The following CILP variants were observed in gnomAD, a reference collection of about 807,000 sequenced individuals.
CILP encodes the protein cartilage intermediate layer protein 1.
In CILP, 75 loss-of-function variants were observed where a neutral mutation model predicts 82.5. That is an observed-to-expected ratio of 0.91 (90% CI 0.75 to 1.10). The LOEUF (loss-of-function observed/expected upper bound fraction) is 1.10, where lower values mean the gene tolerates loss of function less well. Among genes scored for constraint, CILP ranks in the 50% least tolerant of loss-of-function variants. The probability of loss-of-function intolerance (pLI) is 0.00; values close to 1 mark genes in which losing one functional copy is unlikely to be tolerated. For synonymous variants in CILP, 530 were observed against 580.3 expected, an observed-to-expected ratio of 0.91 and a Z score of 1.25; for missense variants, 1,479 against 1,530.8, an observed-to-expected ratio of 0.97 and a Z score of 0.56.
rs536742270 is a variant in CILP, at chr15:65,206,866, G to C, written c.340C>G (p.Arg114Gly). 6.2e-7 allele frequency: 1 copy of C among 1,614,046 alleles called. No individual in the cohort carries two copies. Among genetic ancestry groups the C allele is most frequent in the South Asian group, 1.1e-5 (1 of 91,086 alleles). Residue 114 changes from arginine (R) to glycine (G), a missense_variant, in exon 4 of 9, where the codon CGT (arginine) becomes GGT (glycine). Arg to Gly is a moderately radical substitution (Grantham distance 125). Coordinates refer to ENST00000261883, the MANE Select transcript of CILP (RefSeq NM_003613.4). ...CTGTTGAGGCACCAGAAACCCTCAC[G>C]GGGACTACCATGGACCACCTGGCCA... ...STGQVVHGSP[R>G]EGFWCLNREQ... is the part of the protein sequence containing the mutation.
Position 65,196,790 on chromosome 15 carries a change from C to T in CILP, c.3496G>A (p.Gly1166Ser), listed in dbSNP as rs938952. ...AATCTCAGAGAGGCCACCACTCCAC[C>T]CTGGCGCTGGCCACCCCTGCTCGCT... is the stretch of plus-strand genomic sequence containing the variant. The part of the protein sequence containing the change: ...QRASRGGQRQ[G>S]GVVASLRFPR... The change falls in exon 9 of 9, where the codon GGT becomes AGT. Residue 1166 changes from glycine to serine, a missense_variant. Transcript: ENST00000261883. The T allele has an allele frequency of 0.81, 1,284,022 of 1,594,238 alleles. 520,488 individuals carry two copies. Among genetic ancestry groups the T allele is most frequent in the East Asian group, 1 (44,562 of 44,632 alleles).
intron 8 of CILP, among the ~76,000 whole-genome samples, chr15:65,201,047 G>T (rs1221471199): frequency 1.3e-5 from 2 of 151,808 alleles, no homozygotes; most frequent in African/African-American, 2.4e-5. Context: ...TGTTTCCCAG[G>T]CTGGAGTGCA....
intron 1 of CILP, among the ~76,000 whole-genome samples, chr15:65,211,021 C>T (rs965880540): frequency 1.3e-5 from 2 of 152,240 alleles, no homozygotes; most frequent in Non-Finnish European, 2.9e-5. Context: ...TGTGGAAAAA[C>T]CATTTCCCAT....
At chr15:65,210,958 G>A (rs1269472016) in intron 1 of CILP, among the ~76,000 whole-genome samples, 1 of 152,218 alleles carries the variant, frequency 6.6e-6, no homozygotes, top group Non-Finnish European at 1.5e-5. Context: ...CATTCAGCCT[G>A]AGCCTGAGCC....
intron 2 of CILP, 95 bp from the exon 3 acceptor site, chr15:65,207,859 G>T: frequency 9.6e-7 from 1 of 1,036,748 alleles, no homozygotes; most frequent in Non-Finnish European, 1.5e-6. Flanking sequence ...GGTGAATGGA[G>T]CATGAGCACC....
rs558312745 is a variant in CILP, at chr15:65,198,773, T to C, written c.1513A>G (p.Met505Val). 6.8e-6 allele frequency: 11 copies of C among 1,614,150 alleles called. No individual in the cohort carries two copies. The Admixed American group carries it at 1.2e-4, about 17-fold the overall frequency. ...RVSAADNGEP[M>V]RFGHVYMGNS... is the part of the protein sequence containing the mutation. ...CCCATGTACACATGGCCAAAGCGCA[T>C]GGGCTCCCCATTGTCAGCAGCACTG... The change falls in exon 9 of 9, where the codon ATG becomes GTG. Residue 505 changes from methionine to valine, a missense_variant. Coordinates refer to ENST00000261883, the MANE Select transcript of CILP (RefSeq NM_003613.4).
chr15:65,208,685 G>C (rs1216511119), intron 2 of CILP, among the ~76,000 whole-genome samples: 1 of 152,238 alleles, frequency 6.6e-6, no homozygotes, highest in African/African-American at 2.4e-5. Flanking sequence ...ACCTGAGGCT[G>C]GGTTGGGGTC....
chr15:65,209,909 T>C (rs989925761), intron 1 of CILP, 48 bp from the exon 2 acceptor site: 2 of 627,918 alleles, frequency 3.2e-6, no homozygotes, highest in Non-Finnish European at 5.8e-6. Flanking sequence ...GAATCACCGC[T>C]TATGGCTCAA....
At chr15:65,202,634 G>A (rs1434872928) in intron 7 of CILP, among the ~76,000 whole-genome samples, 1 of 151,882 alleles carries the variant, frequency 6.6e-6, no homozygotes, top group Non-Finnish European at 1.5e-5. Flanking sequence ...CACCATGTTG[G>A]CCAGACTGGT....
At position 65,198,577 on chromosome 15, in the gene CILP, A is replaced by T. The variant is rs766316509; in HGVS notation, c.1709T>A (p.Met570Lys). The T allele has an allele frequency of 6.2e-7, 1 of 1,614,250 alleles. No homozygotes were observed. Among genetic ancestry groups the T allele is most frequent in the Admixed American group, 1.7e-5 (1 of 60,034 alleles). ...AGTGATGGGCTTTTTCCGACGAAGC[A>T]TCTTGATTTCATGGAACACGGCACT... is the stretch of plus-strand genomic sequence containing the variant. ...KGSAVFHEIK[M>K]LRRKKPITLE... The change falls in exon 9 of 9, where the codon ATG (methionine) becomes AAG (lysine). Residue 570 changes from methionine to lysine, a missense_variant. Transcript: ENST00000261883.
At position 65,206,933 on chromosome 15, in the gene CILP, C is replaced by T. The variant is rs572818055; in HGVS notation, c.273G>A (p.Arg91=). ...YGDRVCARPL[R]LEARTTDWTP... ...TCCAGTCAGTGGTCCGAGCCTCTAG[C>T]CGCAGGGGACGGGCACATACACGGT... Residue 91 remains arginine (R), a synonymous_variant, in exon 4 of 9, where the codon CGG becomes CGA. Coordinates refer to ENST00000261883, the MANE Select transcript of CILP (RefSeq NM_003613.4). 24 of 1,614,064 alleles carry T rather than the reference C, an allele frequency of 1.5e-5. No individual in the cohort carries two copies. In the East Asian group the frequency reaches 5.1e-4, roughly 34 times the overall value.
Position 65,210,000 on chromosome 15 carries a change from C to T in CILP, c.-106-139G>A, listed in dbSNP as rs553469359. The T allele has an allele frequency of 2.8e-3, 1,349 of 474,862 alleles. 45 individuals are homozygous for T. In the South Asian group the frequency reaches 0.032, roughly 11 times the overall value. 29.4% of individuals were successfully genotyped at this position (474,862 alleles called of 1,614,324 possible). On this transcript the variant is annotated intron_variant, in intron 1 of 8. Coordinates refer to ENST00000261883, the MANE Select transcript of CILP (RefSeq NM_003613.4). ...GTGATATCTGCCTGAGTTGTGAAACCAGGTAGCTTGGGAGGTGCAGAGGCT... is the reference window on the plus strand; with the variant it reads ...GTGATATCTGCCTGAGTTGTGAAACTAGGTAGCTTGGGAGGTGCAGAGGCT...
chr15:65,210,900 C>G (rs1221034334), intron 1 of CILP, among the ~76,000 whole-genome samples: 3 of 152,186 alleles, frequency 2.0e-5, no homozygotes, highest in Non-Finnish European at 2.9e-5. Flanking sequence ...TTGTGTGTAT[C>G]CCTCTGGGCT....
At chr15:65,202,495 T>C (rs1341410254) in intron 7 of CILP, among the ~76,000 whole-genome samples, 1 of 152,076 alleles carries the variant, frequency 6.6e-6, no homozygotes, top group African/African-American at 2.4e-5. Context: ...TGGCATGATC[T>C]TGACTCACTG....
At position 65,195,131 on chromosome 15, in the gene CILP, G is replaced by A. The variant is rs1013336700; in HGVS notation, c.*1600C>T. ...GATGCTTGCTTTTTCTATGGTTATT[G>A]TGATGTGCTCAGCTAGAGAAATTTC... On this transcript the variant is annotated 3_prime_UTR_variant, in exon 9 of 9. Transcript: ENST00000261883. The A allele has an allele frequency of 6.6e-6, 1 of 152,164 alleles. No individual in the cohort carries two copies. Among genetic ancestry groups the A allele is most frequent in the African/African-American group, 2.4e-5 (1 of 41,424 alleles). 9.4% of individuals were successfully genotyped at this position (152,164 alleles called of 1,614,324 possible).
At position 65,205,286 on chromosome 15, in the gene CILP, C is replaced by G; in HGVS notation, c.604+1G>C. On this transcript the variant is annotated splice_donor_variant, in intron 5 of 8. Transcript: ENST00000261883. LOFTEE classifies it high-confidence loss of function. ...CCCAGTGCCAGGAGGGAGGGTGGTA[C>G]CTGTACAGTCCTGGCCCATGCAGTG... 6.2e-7 allele frequency: 1 copy of G among 1,602,692 alleles called. No individual in the cohort carries two copies. Among genetic ancestry groups the G allele is most frequent in the Non-Finnish European group, 8.5e-7 (1 of 1,172,182 alleles).
In CILP at chr15:65,197,613, C is replaced by T. The variant is rs746278571; in HGVS notation, c.2673G>A (p.Gly891=). 5 of 1,614,202 alleles carry T rather than the reference C, an allele frequency of 3.1e-6. No homozygotes were observed. Among genetic ancestry groups the T allele is most frequent in the Non-Finnish European group, 4.2e-6 (5 of 1,180,034 alleles). Residue 891 remains glycine (G), a synonymous_variant, in exon 9 of 9, where the codon GGG becomes GGA. Coordinates refer to ENST00000261883, the MANE Select transcript of CILP (RefSeq NM_003613.4). ...GGAGGTTCTCAAAGGCATAGATGGG[C>T]CCATTGCTCTCCTCAGCTGAGTTGG... ...PRPNSAEESN[G]PIYAFENLRA... is the part of the protein sequence containing the mutation.
chr15:65,203,848 C>A (rs1432494506), intron 6 of CILP, among the ~76,000 whole-genome samples: 1 of 152,240 alleles, frequency 6.6e-6, no homozygotes, highest in Admixed American at 6.5e-5. Flanking sequence ...TCTGAACTTC[C>A]CAAGCCTTTC....
At position 65,206,929 on chromosome 15, in the gene CILP, C is replaced by G; in HGVS notation, c.277G>C (p.Glu93Gln). The part of the protein sequence containing the change: ...DRVCARPLRL[E>Q]ARTTDWTPAG... ...GGTGTCCAGTCAGTGGTCCGAGCCT[C>G]TAGCCGCAGGGGACGGGCACATACA... is the stretch of plus-strand genomic sequence containing the variant. The change falls in exon 4 of 9, where the codon GAG becomes CAG. Residue 93 changes from glutamate to glutamine, a missense_variant. Transcript: ENST00000261883. The G allele has an allele frequency of 6.2e-7, 1 of 1,614,036 alleles. No homozygotes were observed. Among genetic ancestry groups the G allele is most frequent in the Non-Finnish European group, 8.5e-7 (1 of 1,180,016 alleles).
Sources: allele counts gnomAD v4.1 joint callset (sites outside exome capture counted in the v4.1 genomes callset), GRCh38; gene constraint gnomAD v4.1.1; transcripts MANE v1.5; gene names NCBI Gene and HGNC (gene_info 2026-07-23, HGNC 2026-07-21).